HS6ST2: variants seen among roughly 807,000 people sequenced by gnomAD.
The protein encoded by HS6ST2 is heparan sulfate 6-O-sulfotransferase 2, also known as heparan-sulfate 6-O-sulfotransferase 2.
Under a neutral mutation model 33.0 loss-of-function variants are expected in HS6ST2, and 17 were observed. The ratio of observed to expected loss-of-function variants is 0.52; its 90% CI spans 0.35 to 0.77. The LOEUF (loss-of-function observed/expected upper bound fraction) is 0.77. Among genes scored for constraint, HS6ST2 ranks in the 30% least tolerant of loss-of-function variants. HS6ST2 has a pLI of 0.01. For synonymous variants in HS6ST2, 248 were observed against 237.1 expected (o/e 1.05, Z -0.42); for missense variants, 519 against 551.7 (o/e 0.94, Z 0.59).
chrX:132,767,904 AAAC>A (rs1365980484), intron 2 of HS6ST2, among the ~76,000 whole-genome samples: 2 of 111,590 alleles, frequency 1.8e-5, no homozygotes, highest in Non-Finnish European at 3.8e-5. Context: ...CTGAGATTCA[AAAC>A]AACACCTGGC....
intron 2 of HS6ST2, among the ~76,000 whole-genome samples, chrX:132,924,885 G>A (rs2066695174): frequency 1.8e-5 from 2 of 111,282 alleles, no homozygotes; most frequent in African/African-American, 3.3e-5. Flanking sequence ...TGACTCAGGA[G>A]GCTGAGGTGG....
intron 2 of HS6ST2, among the ~76,000 whole-genome samples, chrX:132,742,055 T>C (rs1365415636): frequency 8.9e-6 from 1 of 112,025 alleles, no homozygotes; most frequent in Non-Finnish European, 1.9e-5. Flanking sequence ...TCTCTCCCAG[T>C]ATTCTGAGAG....
intron 2 of HS6ST2, among the ~76,000 whole-genome samples, chrX:132,915,369 T>C (rs2066575147): frequency 8.9e-6 from 1 of 112,465 alleles, no homozygotes; most frequent in Non-Finnish European, 1.9e-5. Context: ...CTTTCAGCAA[T>C]AAAATGATGT....
At chrX:132,809,606 G>C (rs1569493411) in intron 2 of HS6ST2, among the ~76,000 whole-genome samples, 2 of 111,150 alleles carry the variant, frequency 1.8e-5, no homozygotes, top group South Asian at 3.9e-4. Flanking sequence ...AATAACTGAA[G>C]TTTCTTCTTA....
At chrX:132,846,230 C>A (rs1177553920) in intron 2 of HS6ST2, among the ~76,000 whole-genome samples, 1 of 112,254 alleles carries the variant, frequency 8.9e-6, no homozygotes, top group Non-Finnish European at 1.9e-5. Context: ...AGCTTTTGGC[C>A]TCTGGTCTAC....
At chrX:132,649,612 T>C (rs1389479031) in intron 4 of HS6ST2, among the ~76,000 whole-genome samples, 1 of 111,992 alleles carries the variant, frequency 8.9e-6, no homozygotes, top group East Asian at 2.8e-4. Context: ...AATCCCAGTA[T>C]TTTGAGAGGC....
At chrX:132,826,745 T>G (rs1386010430) in intron 2 of HS6ST2, among the ~76,000 whole-genome samples, 2 of 110,844 alleles carry the variant, frequency 1.8e-5, no homozygotes, top group Admixed American at 1.9e-4. Context: ...ATTTTACCAC[T>G]GTTCTTTTCA....
chrX:132,872,811 A>T (rs1468945013), intron 2 of HS6ST2, among the ~76,000 whole-genome samples: 7 of 111,878 alleles, frequency 6.3e-5, no homozygotes, highest in Non-Finnish European at 5.6e-5. Flanking sequence ...AAGAGGCCTT[A>T]CAACATAGAC....
chrX:132,700,773 T>C (rs1024954650), intron 3 of HS6ST2, among the ~76,000 whole-genome samples: 1 of 110,822 alleles, frequency 9.0e-6, no homozygotes, highest in Non-Finnish European at 1.9e-5. Context: ...ATTAAAGAGA[T>C]GATGTGTACC....
chrX:132,857,295 C>A (rs1368593889), intron 2 of HS6ST2, among the ~76,000 whole-genome samples: 3 of 111,021 alleles, frequency 2.7e-5, no homozygotes, highest in African/African-American at 9.8e-5. Context: ...ATCAACCTGA[C>A]CAACATGGTG....
chrX:132,718,262 T>C (rs1430661023), intron 2 of HS6ST2, among the ~76,000 whole-genome samples: 2 of 111,291 alleles, frequency 1.8e-5, no homozygotes, highest in Non-Finnish European at 3.8e-5. Flanking sequence ...TGTAGGGTGC[T>C]GGGACCAAGC....
chrX:132,643,912 T>C (rs1186746215), intron 4 of HS6ST2, among the ~76,000 whole-genome samples: 1 of 111,778 alleles, frequency 8.9e-6, no homozygotes, highest in Non-Finnish European at 1.9e-5. Context: ...GACATGTCAA[T>C]GAGAAGAGAG....
chrX:132,883,243 G>A (rs924564943), intron 2 of HS6ST2, among the ~76,000 whole-genome samples: 40 of 111,387 alleles, frequency 3.6e-4, no homozygotes, highest in Non-Finnish European at 6.6e-4. Context: ...ATTCAGCTGT[G>A]AATCTGTCTG....
intron 2 of HS6ST2, among the ~76,000 whole-genome samples, chrX:132,725,084 G>T: frequency 9.0e-6 from 1 of 111,398 alleles, no homozygotes; most frequent in East Asian, 2.8e-4. Context: ...CAGGACATTT[G>T]TTTGGGCAAA....
chrX:132,958,089 T>C, intron 1 of HS6ST2, 86 bp downstream of exon 1: 1 of 927,838 alleles, frequency 1.1e-6, no homozygotes, highest in Non-Finnish European at 1.4e-6. Context: ...CGCCCTTCTC[T>C]ACCCCCCGCG....
At chrX:132,798,723 A>G (rs984250814) in intron 2 of HS6ST2, among the ~76,000 whole-genome samples, 1 of 112,016 alleles carries the variant, frequency 8.9e-6, no homozygotes, top group Non-Finnish European at 1.9e-5. Context: ...GTTTGGCTTT[A>G]GGCTGATCTC....
intron 3 of HS6ST2, among the ~76,000 whole-genome samples, chrX:132,703,633 C>A (rs932819714): frequency 8.9e-6 from 1 of 112,249 alleles, no homozygotes; most frequent in African/African-American, 3.2e-5. Context: ...GTTGTCTATT[C>A]CTTTACTCTA....
chrX:132,902,644 C>T (rs888412449), intron 2 of HS6ST2, among the ~76,000 whole-genome samples: 6 of 112,052 alleles, frequency 5.4e-5, no homozygotes, highest in Admixed American at 1.9e-4. Context: ...AGGCCCTCCT[C>T]TAACTGGGAA....
chrX:132,864,757 A>C, intron 2 of HS6ST2, among the ~76,000 whole-genome samples: 1 of 110,357 alleles, frequency 9.1e-6, no homozygotes, highest in Non-Finnish European at 1.9e-5. Flanking sequence ...AATACAGAGA[A>C]CACCACAAAG....
Sources: allele counts gnomAD v4.1 joint callset (sites outside exome capture counted in the v4.1 genomes callset), GRCh38; gene constraint gnomAD v4.1.1; transcripts MANE v1.5; gene names NCBI Gene and HGNC (gene_info 2026-07-23, HGNC 2026-07-21).